The following LSAMP variants were observed in gnomAD, a reference collection of about 807,000 sequenced individuals.
The protein encoded by LSAMP is limbic system-associated membrane protein.
A neutral mutation model predicts 38.6 loss-of-function variants in LSAMP; 7 were observed. That is an observed-to-expected ratio of 0.18 (90% confidence interval 0.10 to 0.34). The LOEUF (loss-of-function observed/expected upper bound fraction) is 0.34, where lower values mean the gene tolerates loss of function less well. Among genes scored for constraint, LSAMP ranks in the 10% least tolerant of loss-of-function variants. The probability of loss-of-function intolerance (pLI) is 1.00; values close to 1 mark genes in which losing one functional copy is unlikely to be tolerated. For missense variants in LSAMP, 313 were observed against 420.0 expected (o/e 0.75, Z 2.23); for synonymous variants, 154 against 166.8 (o/e 0.92, Z 0.59).
At chr3:116,382,682 G>T (rs1177688394) in intron 1 of LSAMP, among the ~76,000 whole-genome samples, 1 of 151,816 alleles carries the variant, frequency 6.6e-6, no homozygotes, top group Non-Finnish European at 1.5e-5. Context: ...TTTACTATCT[G>T]GTCTTTAATA....
At chr3:116,348,322 T>C (rs1576150240) in intron 1 of LSAMP, among the ~76,000 whole-genome samples, 1 of 152,102 alleles carries the variant, frequency 6.6e-6, no homozygotes, top group East Asian at 1.9e-4. Flanking sequence ...CTTGAAAACC[T>C]CTCATATGGC....
chr3:116,353,333 C>A (rs1375485076), intron 1 of LSAMP, among the ~76,000 whole-genome samples: 1 of 152,074 alleles, frequency 6.6e-6, no homozygotes, highest in Non-Finnish European at 1.5e-5. Flanking sequence ...TTAACTCTGG[C>A]TAGTTCTGCA....
chr3:116,267,369 C>T (rs569964358), intron 1 of LSAMP, among the ~76,000 whole-genome samples: 20 of 152,166 alleles, frequency 1.3e-4, no homozygotes, highest in African/African-American at 4.6e-4. Flanking sequence ...ATCAGCATAG[C>T]AAGGAATTTT....
intron 1 of LSAMP, among the ~76,000 whole-genome samples, chr3:116,422,132 T>C (rs1254043218): frequency 6.6e-6 from 1 of 152,206 alleles, no homozygotes; most frequent in Middle Eastern, 3.2e-3. Context: ...TGCTACAATA[T>C]GCATGAATCT....
In LSAMP at chr3:115,802,522, T is replaced by G. The variant is rs1933537615; in HGVS notation, c.*7795A>C. On this transcript the variant is annotated 3_prime_UTR_variant, in exon 7 of 7. Coordinates refer to ENST00000490035, the MANE Select transcript of LSAMP (RefSeq NM_002338.5). The stretch of plus-strand genomic sequence containing the variant: ...AAAAAAAGCTTTTTTTCATTTTAAT[T>G]TTAATTTTTTTTTTTTAACACACAT... The G allele has an allele frequency of 7.5e-6, 1 of 133,742 alleles. No individual in the cohort carries two copies. The highest frequency in any genetic ancestry group is 1.6e-5 in the Non-Finnish European group (1 of 63,332). 8.3% of individuals were successfully genotyped at this position (133,742 alleles called of 1,614,324 possible). A position where few individuals can be genotyped will look rare whatever the true frequency, so the allele number is the denominator to read the frequency against.
At chr3:115,875,117 ACTAT>A (rs1007903409) in intron 3 of LSAMP, among the ~76,000 whole-genome samples, 2 of 152,120 alleles carry the variant, frequency 1.3e-5, no homozygotes, top group African/African-American at 4.8e-5. Flanking sequence ...GGTAACACAA[ACTAT>A]CTACTACTTT....
intron 1 of LSAMP, among the ~76,000 whole-genome samples, chr3:116,434,792 C>T (rs760075066): frequency 7.9e-5 from 12 of 152,090 alleles, no homozygotes; most frequent in African/African-American, 9.7e-5. Context: ...CCTTGTGATC[C>T]GCCAGCCTCA....
intron 3 of LSAMP, among the ~76,000 whole-genome samples, chr3:115,944,437 C>T (rs1225847332): frequency 6.6e-6 from 1 of 152,048 alleles, no homozygotes; most frequent in African/African-American, 2.4e-5. Context: ...AGTATTAGCT[C>T]CCTGAAACTC....
intron 3 of LSAMP, among the ~76,000 whole-genome samples, chr3:115,871,582 AGTGTGTGTGTGTGTGTGT>A (rs59830926): frequency 2.8e-5 from 4 of 145,022 alleles, no homozygotes; most frequent in East Asian, 4.1e-4. Context: ...ACCAACGTGT[AGTGTGTGTGTGTGTGTGT>A]GTGTGTGTGT....
At chr3:115,854,534 A>AT (rs1451610272) in intron 3 of LSAMP, among the ~76,000 whole-genome samples, 1 of 152,014 alleles carries the variant, frequency 6.6e-6, no homozygotes, top group East Asian at 1.9e-4. Context: ...TAAGAGGTTA[A>AT]TTTTTTCCTG....
In LSAMP at chr3:115,911,166, G is replaced by A. The variant is rs140482522; in HGVS notation, c.515-58549C>T. 1.4e-3 allele frequency among the ~76,000 whole-genome samples: 213 copies of A among 152,198 alleles called. No homozygotes were observed. The Middle Eastern group carries it at 0.027, about 19-fold the overall frequency. ...GAAATTAAATGAAATTATATATAAAGCATTTTACACATGGTAAAAGCTCAA... is the reference window on the plus strand; with the variant it reads ...GAAATTAAATGAAATTATATATAAAACATTTTACACATGGTAAAAGCTCAA... On this transcript the variant is annotated intron_variant, in intron 3 of 6. Transcript: ENST00000490035.
chr3:116,284,579 C>T (rs537624156), intron 1 of LSAMP, among the ~76,000 whole-genome samples: 1 of 152,314 alleles, frequency 6.6e-6, no homozygotes, highest in East Asian at 1.9e-4. Flanking sequence ...TTTCTTCCCA[C>T]CAGGTGAAAT....
rs76178311 is a variant in LSAMP, at chr3:116,431,360, C to T, written c.155+13517G>A. ...TCATTTAAAAAAAATCTATTTGCCA[C>T]GCTATACTTTGTTCCCAGGGAACAC... On this transcript the variant is annotated intron_variant, in intron 1 of 6. Coordinates refer to ENST00000490035, the MANE Select transcript of LSAMP (RefSeq NM_002338.5). 3.5e-4 allele frequency among the ~76,000 whole-genome samples: 54 copies of T among 152,134 alleles called. 1 individual carries two copies. The East Asian group carries it at 9.5e-3, about 27-fold the overall frequency.
intron 6 of LSAMP, among the ~76,000 whole-genome samples, chr3:115,820,591 A>AT (rs1470532732): frequency 2.0e-5 from 3 of 152,208 alleles, no homozygotes; most frequent in Non-Finnish European, 4.4e-5. Context: ...ACCCAGCCAC[A>AT]TTAGCCTGCA....
chr3:116,179,759 A>T (rs184805601), intron 1 of LSAMP, among the ~76,000 whole-genome samples: 53 of 152,302 alleles, frequency 3.5e-4, no homozygotes, highest in African/African-American at 1.2e-3. Flanking sequence ...CCCTCTTCCA[A>T]CACTGAGGAT....
chr3:116,368,384 C>A (rs1186305177), intron 1 of LSAMP: 1 of 152,136 alleles, frequency 6.6e-6, no homozygotes, highest in Non-Finnish European at 1.5e-5. Flanking sequence ...ATGTAGCTCA[C>A]CTGTATCTCT....
At chr3:116,382,900 C>CGTGT (rs1267374810) in intron 1 of LSAMP, among the ~76,000 whole-genome samples, 6 of 152,036 alleles carry the variant, frequency 3.9e-5, no homozygotes, top group Non-Finnish European at 7.4e-5. Context: ...TGTAAACACA[C>CGTGT]ACAGAAGAAC....
chr3:116,164,766 T>TTTTA (rs1710006752), intron 1 of LSAMP, among the ~76,000 whole-genome samples: 1 of 111,660 alleles, frequency 9.0e-6, no homozygotes, highest in South Asian at 2.7e-4. Context: ...ATATATTTTT[T>TTTTA]TTTTTTTTCA....
At chr3:115,988,278 T>A (rs1026210878) in intron 3 of LSAMP, among the ~76,000 whole-genome samples, 5 of 152,142 alleles carry the variant, frequency 3.3e-5, no homozygotes, top group African/African-American at 1.2e-4. Context: ...TAAAATCACA[T>A]AGTTAACTCT....
Sources: gnomAD v4.1 joint callset for allele counts (sites outside exome capture counted in the v4.1 genomes callset) on GRCh38, gnomAD v4.1.1 for gene constraint, MANE v1.5 for transcripts, NCBI Gene and HGNC (gene_info 2026-07-23, HGNC 2026-07-21) for gene names.